Variants in SPRR2G observed in about 807,000 individuals in gnomAD.
SPRR2G encodes the protein small proline-rich protein 2G.
Under a neutral mutation model 0.7 loss-of-function variants are expected in SPRR2G, and 1 was observed. The ratio of observed to expected loss-of-function variants is 1.49; its 90% CI spans 0.53 to 7.06. The LOEUF (loss-of-function observed/expected upper bound fraction) is 7.06. Among genes scored for constraint, SPRR2G ranks in the 30% most tolerant of loss-of-function variants. SPRR2G has a pLI of 0.14. For synonymous variants in SPRR2G, 38 were observed against 33.9 expected (o/e 1.12, Z -0.42); for missense variants, 96 against 88.5 (o/e 1.09, Z -0.34).
At chr1:153,179,767 C>CA in the SPRR2G span, among the ~76,000 whole-genome samples, 15 of 152,238 alleles carry the variant, frequency 9.9e-5, no homozygotes, top group African/African-American at 3.6e-4. Flanking sequence ...CCATCACCCT[C>CA]ACCTGAACCA....
At chr1:153,152,181 A>G (rs1407553667), upstream of SPRR2G, among the ~76,000 whole-genome samples, 2 of 152,240 alleles carry the variant, frequency 1.3e-5, no homozygotes, top group Non-Finnish European at 2.9e-5. Flanking sequence ...AAGAATAATA[A>G]CTAATCATAA....
the SPRR2G span, among the ~76,000 whole-genome samples, chr1:153,161,879 T>C: frequency 2.6e-5 from 4 of 152,232 alleles, no homozygotes; most frequent in Admixed American, 2.0e-4. Context: ...ATAATGGTAA[T>C]TGACCTTTCT....
the SPRR2G span, among the ~76,000 whole-genome samples, chr1:153,175,919 T>C: frequency 6.6e-6 from 1 of 152,032 alleles, no homozygotes. Context: ...TAGCCAGATG[T>C]GGTGGTGCAT....
intron 1 of SPRR2G, 114 bp from the exon 2 acceptor site, chr1:153,150,245 T>C: frequency 7.0e-7 from 1 of 1,430,172 alleles, no homozygotes. Flanking sequence ...CCTAATACAG[T>C]CTTTATGACT....
At chr1:153,164,957 C>T in the SPRR2G span, among the ~76,000 whole-genome samples, 1 of 152,212 alleles carries the variant, frequency 6.6e-6, no homozygotes, top group East Asian at 1.9e-4. Context: ...CTTCTCACCT[C>T]TCCCTGGTGC....
chr1:153,187,081 G>A, the SPRR2G span, among the ~76,000 whole-genome samples: 1 of 152,012 alleles, frequency 6.6e-6, no homozygotes, highest in African/African-American at 2.4e-5. Flanking sequence ...TAGTCTGATG[G>A]GCTTCCCTTT....
chr1:153,155,813 C>T (rs955085296), upstream of SPRR2G, among the ~76,000 whole-genome samples: 13 of 152,010 alleles, frequency 8.6e-5, no homozygotes, highest in African/African-American at 2.4e-4. Context: ...ATTGTTTTAC[C>T]GGGTTAATGT....
the SPRR2G span, among the ~76,000 whole-genome samples, chr1:153,174,091 G>A: frequency 6.6e-6 from 1 of 152,140 alleles, no homozygotes; most frequent in Non-Finnish European, 1.5e-5. Context: ...GTTGACAAAT[G>A]TTTGGCATAA....
At chr1:153,158,379 G>A in the SPRR2G span, among the ~76,000 whole-genome samples, 1 of 152,224 alleles carries the variant, frequency 6.6e-6, no homozygotes, top group Non-Finnish European at 1.5e-5. Flanking sequence ...TAGCTGGACA[G>A]TCATTAAATC....
chr1:153,163,870 C>T, the SPRR2G span, among the ~76,000 whole-genome samples: 18 of 152,180 alleles, frequency 1.2e-4, no homozygotes, highest in Non-Finnish European at 2.5e-4. Flanking sequence ...TTCTTCATAA[C>T]CTTGCTGCTC....
At chr1:153,176,385 C>T in the SPRR2G span, 1 of 152,102 alleles carries the variant, frequency 6.6e-6, no homozygotes, top group South Asian at 2.1e-4. Flanking sequence ...TACCTCCTAC[C>T]CCCACCTGTC....
At chr1:153,164,660 A>T in the SPRR2G span, among the ~76,000 whole-genome samples, 1 of 152,188 alleles carries the variant, frequency 6.6e-6, no homozygotes, top group Non-Finnish European at 1.5e-5. Context: ...TCATCTTTAG[A>T]TTACTTATAA....
At chr1:153,193,609 C>T in the SPRR2G span, among the ~76,000 whole-genome samples, 1 of 152,184 alleles carries the variant, frequency 6.6e-6, no homozygotes, top group African/African-American at 2.4e-5. Flanking sequence ...CATTTCAAGT[C>T]TCCGAAAGAG....
At chr1:153,187,866 C>T in the SPRR2G span, among the ~76,000 whole-genome samples, 40 of 152,230 alleles carry the variant, frequency 2.6e-4, no homozygotes, top group East Asian at 1.9e-3. Flanking sequence ...TTAATGCTGA[C>T]GCCCTTTGGA....
chr1:153,173,687 G>A, the SPRR2G span, among the ~76,000 whole-genome samples: 6 of 152,162 alleles, frequency 3.9e-5, no homozygotes, highest in Admixed American at 3.9e-4. Flanking sequence ...GGAGAATTTT[G>A]CTCTGAACTA....
chr1:153,188,830 T>C, the SPRR2G span, among the ~76,000 whole-genome samples: 3 of 152,214 alleles, frequency 2.0e-5, no homozygotes, highest in South Asian at 6.2e-4. Context: ...TACCCTGGTC[T>C]GTGGGTTGCC....
the SPRR2G span, among the ~76,000 whole-genome samples, chr1:153,198,676 A>G: frequency 6.6e-6 from 1 of 152,146 alleles, no homozygotes; most frequent in African/African-American, 2.4e-5. Flanking sequence ...CGGAGCGCAT[A>G]AGAGGAGCAA....
chr1:153,182,337 A>G, the SPRR2G span, among the ~76,000 whole-genome samples: 1 of 151,044 alleles, frequency 6.6e-6, no homozygotes, highest in Non-Finnish European at 1.5e-5. Context: ...TTTTTTTATT[A>G]GGTTGGTGCA....
At chr1:153,168,366 C>T in the SPRR2G span, among the ~76,000 whole-genome samples, 1 of 152,190 alleles carries the variant, frequency 6.6e-6, no homozygotes, top group Non-Finnish European at 1.5e-5. Flanking sequence ...ATATCAGGAG[C>T]TCAACTCAGC....
Sources: allele counts gnomAD v4.1 joint callset (sites outside exome capture counted in the v4.1 genomes callset), GRCh38; gene constraint gnomAD v4.1.1; transcripts MANE v1.5; gene names NCBI Gene and HGNC (gene_info 2026-07-23, HGNC 2026-07-21).